WASF1: variants seen among roughly 807,000 people sequenced by gnomAD.
The protein encoded by WASF1 is actin-binding protein WASF1.
A neutral mutation model predicts 50.5 loss-of-function variants in WASF1; 7 were observed. The ratio of observed to expected loss-of-function variants is 0.14; its 90% CI spans 0.08 to 0.26. The LOEUF (loss-of-function observed/expected upper bound fraction) is 0.26. Ranked by LOEUF, WASF1 falls within the 10% of genes least tolerant of loss-of-function variation. The pLI is 1.00. For missense variants in WASF1, 470 were observed against 694.7 expected (o/e 0.68, Z 3.64); for synonymous variants, 205 against 244.0 (o/e 0.84, Z 1.49).
At chr6:110,120,988 A>G (rs1011572105) in intron 4 of WASF1, among the ~76,000 whole-genome samples, 1 of 152,236 alleles carries the variant, frequency 6.6e-6, no homozygotes, top group African/African-American at 2.4e-5. Context: ...AGCCATATGA[A>G]GAAAGCTGAA....
intron 2 of WASF1, among the ~76,000 whole-genome samples, chr6:110,166,002 G>C (rs1584029410): frequency 6.6e-6 from 1 of 151,616 alleles, no homozygotes; most frequent in South Asian, 2.1e-4. Context: ...AAAGGACAAG[G>C]GGTAAAAATG....
intron 3 of WASF1, among the ~76,000 whole-genome samples, chr6:110,144,341 T>C (rs1003678600): frequency 6.6e-6 from 1 of 152,220 alleles, no homozygotes; most frequent in Non-Finnish European, 1.5e-5. Flanking sequence ...TTGTTGGAGT[T>C]CATTGTAGAT....
At chr6:110,142,975 T>TAAAAAAAAAAAAAAAAAAAAAAAAAAAAA (rs1396721363) in intron 3 of WASF1, among the ~76,000 whole-genome samples, 37 of 97,882 alleles carry the variant, frequency 3.8e-4, no homozygotes, top group Middle Eastern at 6.3e-3. Flanking sequence ...AAAAAAAAAC[T>TAAAAAAAAAAAAAAAAAAAAAAAAAAAAA]AAAGCAATTC....
rs1773017367 is a variant in WASF1, at chr6:110,100,073, A to G, written c.*449T>C. On this transcript the variant is annotated 3_prime_UTR_variant, in exon 11 of 11. Coordinates refer to ENST00000392589, the MANE Select transcript of WASF1 (RefSeq NM_003931.3). ...AAGAGAATTCAACACTACAAGCTAA[A>G]TGTACTTTCTGAGTGTATTCGTATA... 6.5e-6 allele frequency: 1 copy of G among 153,054 alleles called. No individual in the cohort carries two copies. The highest frequency in any genetic ancestry group is 2.1e-4 in the South Asian group (1 of 4,850). The allele number at this position is 153,054 out of a possible 1,614,324, so 9.5% of individuals were successfully genotyped here.
intron 3 of WASF1, among the ~76,000 whole-genome samples, chr6:110,155,409 TAA>T (rs1776017018): frequency 6.6e-6 from 1 of 151,950 alleles, no homozygotes; most frequent in Non-Finnish European, 1.5e-5. Context: ...ATCAATAGCT[TAA>T]AGTGATGAGA....
At chr6:110,124,272 C>CTATATATATATATATATATA (rs1416564445) in intron 4 of WASF1, among the ~76,000 whole-genome samples, 1 of 42,702 alleles carries the variant, frequency 2.3e-5, no homozygotes, top group Non-Finnish European at 3.8e-5. Flanking sequence ...CTCTCTCTCT[C>CTATATATATATATATATATA]TCTATATATA....
chr6:110,116,476 G>T (rs1773813682), intron 4 of WASF1, among the ~76,000 whole-genome samples: 1 of 152,130 alleles, frequency 6.6e-6, no homozygotes, highest in Admixed American at 6.5e-5. Context: ...CAGCTTGACG[G>T]GGGAGGGGTG....
intron 8 of WASF1, among the ~76,000 whole-genome samples, chr6:110,104,892 G>A (rs984049542): frequency 6.6e-6 from 1 of 152,088 alleles, no homozygotes; most frequent in East Asian, 1.9e-4. Context: ...TAGGGCCCCT[G>A]GCCACTAAGA....
At chr6:110,160,578 TA>T in intron 3 of WASF1, 56 bp downstream of exon 3, 1 of 151,872 alleles carries the variant, frequency 6.6e-6, no homozygotes, top group African/African-American at 2.4e-5. Context: ...GAAGTAGCTT[TA>T]AATTGACACC....
chr6:110,154,693 TTTGA>T (rs1482627470), intron 3 of WASF1, among the ~76,000 whole-genome samples: 16 of 152,124 alleles, frequency 1.1e-4, no homozygotes, highest in African/African-American at 3.9e-4. Context: ...TATAATTACC[TTTGA>T]TTGATATTTT....
chr6:110,108,692 A>C lies in WASF1; in HGVS notation c.269-11T>G. 1 of 1,606,184 alleles carries C rather than the reference A, an allele frequency of 6.2e-7. No homozygotes were observed. The highest frequency in any genetic ancestry group is 8.5e-7 in the Non-Finnish European group (1 of 1,176,050). On this transcript the variant is annotated splice_polypyrimidine_tract_variant and intron_variant, in intron 5 of 10. Coordinates refer to ENST00000392589, the MANE Select transcript of WASF1 (RefSeq NM_003931.3). ...TATCTTGCAAAGACACTAAAACAAA[A>C]ATCAAGAATTCATTTTATTTTATTT...
intron 3 of WASF1, among the ~76,000 whole-genome samples, chr6:110,150,602 C>G (rs916793084): frequency 6.6e-6 from 1 of 151,988 alleles, no homozygotes; most frequent in African/African-American, 2.4e-5. Context: ...AGTAAAACAG[C>G]AAGTTGAGAA....
chr6:110,169,112 C>G (rs62435903), intron 2 of WASF1, among the ~76,000 whole-genome samples: 5,480 of 152,062 alleles, frequency 0.036, 158 homozygotes, highest in Admixed American at 0.081. Flanking sequence ...TAGGCATCAA[C>G]AGTTTTGTTA....
intron 3 of WASF1, among the ~76,000 whole-genome samples, chr6:110,134,715 C>T (rs139589203): frequency 2.4e-4 from 36 of 152,200 alleles, no homozygotes; most frequent in Non-Finnish European, 5.0e-4. Flanking sequence ...TGTGAGCCAC[C>T]GCACCCGGCC....
At chr6:110,124,266 CTCTCTCTCTATATATATATATATATATA>C (rs1774308309) in intron 4 of WASF1, among the ~76,000 whole-genome samples, 3 of 62,596 alleles carry the variant, frequency 4.8e-5, no homozygotes, top group Admixed American at 1.9e-4. Context: ...CTCTCTCTCT[CTCTCTCTCTATATATATATATATATATA>C]TATATATATA....
chr6:110,144,856 C>T (rs982260321), intron 3 of WASF1, among the ~76,000 whole-genome samples: 1 of 152,196 alleles, frequency 6.6e-6, no homozygotes, highest in Non-Finnish European at 1.5e-5. Flanking sequence ...GTTTTGGTTA[C>T]TGTAGCCTTG....
rs530614793 is a variant in WASF1 at position 110,166,076 on chromosome 6, G to GA, written c.-126-5345dup. On this transcript the variant is annotated intron_variant, in intron 2 of 10. Coordinates refer to ENST00000392589, the MANE Select transcript of WASF1 (RefSeq NM_003931.3). ...TAGATGGGAAAACAGAATCATTCAT[G>GA]AAAAAATCAGTGATACACCAAGCCA... Among the ~76,000 whole-genome samples, 84 of 151,594 alleles carry GA rather than the reference G, an allele frequency of 5.5e-4. 1 individual carries two copies. The highest frequency in any genetic ancestry group is 1.2e-3 in the South Asian group (6 of 4,808).
intron 9 of WASF1, 57 bp from the exon 10 acceptor site, chr6:110,102,273 A>G (rs923747883): frequency 1.5e-6 from 2 of 1,339,200 alleles, no homozygotes; most frequent in Admixed American, 2.9e-5. Flanking sequence ...TAAAGAGAAA[A>G]TCTAACCACA....
chr6:110,160,858 A>G (rs1035350660), intron 2 of WASF1, 126 bp from the exon 3 acceptor site: 7 of 151,708 alleles, frequency 4.6e-5, no homozygotes, highest in Admixed American at 3.3e-4. Context: ...GAGTAATTTA[A>G]GCTTAGCCAA....
Sources: gnomAD v4.1 joint callset for allele counts (sites outside exome capture counted in the v4.1 genomes callset) on GRCh38, gnomAD v4.1.1 for gene constraint, MANE v1.5 for transcripts, NCBI Gene and HGNC (gene_info 2026-07-23, HGNC 2026-07-21) for gene names.